DPP6: variants seen among roughly 807,000 people sequenced by gnomAD.
DPP6 encodes the protein dipeptidyl peptidase like 6.
In DPP6, 69 loss-of-function variants were observed where a neutral mutation model predicts 122.6. The observed-to-expected ratio is 0.56, with a 90% CI of 0.46 to 0.69. The LOEUF (loss-of-function observed/expected upper bound fraction) is 0.69. Ranked by LOEUF, DPP6 falls within the 30% of genes least tolerant of loss-of-function variation. The probability of loss-of-function intolerance (pLI) is 0.00; values close to 1 mark genes in which losing one functional copy is unlikely to be tolerated. For missense variants in DPP6, 928 were observed against 1,116.9 expected (o/e 0.83, Z 2.41); for synonymous variants, 418 against 433.1 (o/e 0.97, Z 0.43).
intron 4 of DPP6, among the ~76,000 whole-genome samples, chr7:154,561,475 A>G (rs1362045028): frequency 6.6e-6 from 1 of 152,262 alleles, no homozygotes; most frequent in Non-Finnish European, 1.5e-5. Context: ...TTGGAAATTG[A>G]ACAACATATT....
chr7:154,654,112 GAGGTGGCTTAA>G (rs1423531510), intron 6 of DPP6, among the ~76,000 whole-genome samples: 2 of 152,108 alleles, frequency 1.3e-5, no homozygotes, highest in Non-Finnish European at 2.9e-5. Context: ...AAGTAGTCTA[GAGGTGGCTTAA>G]AGGATACGGG....
chr7:154,401,667 C>A (rs1277366983), intron 1 of DPP6, among the ~76,000 whole-genome samples: 1 of 152,152 alleles, frequency 6.6e-6, no homozygotes, highest in African/African-American at 2.4e-5. Flanking sequence ...TAGGCATTAC[C>A]ATTCAGGACA....
intron 4 of DPP6, among the ~76,000 whole-genome samples, chr7:154,562,033 T>C (rs1830456166): frequency 6.6e-6 from 1 of 152,158 alleles, no homozygotes; most frequent in Non-Finnish European, 1.5e-5. Flanking sequence ...ATAGTACCAA[T>C]TCTGCACAAA....
At chr7:154,630,979 TAAAA>T (rs1271895449) in intron 5 of DPP6, among the ~76,000 whole-genome samples, 1 of 151,968 alleles carries the variant, frequency 6.6e-6, no homozygotes. Flanking sequence ...AAATTTCACC[TAAAA>T]AAAAGAATGT....
At chr7:153,808,182 C>A in the DPP6 span, among the ~76,000 whole-genome samples, 1 of 149,182 alleles carries the variant, frequency 6.7e-6, no homozygotes, top group Non-Finnish European at 1.5e-5. Context: ...AACCTTGTTG[C>A]CACTGTGTGT....
At chr7:154,440,365 G>A (rs543137246) in intron 1 of DPP6, among the ~76,000 whole-genome samples, 5 of 152,098 alleles carry the variant, frequency 3.3e-5, no homozygotes, top group South Asian at 2.1e-4. Flanking sequence ...AAAGCACCCC[G>A]GAAGTACTCA....
intron 1 of DPP6, chr7:154,305,579 T>C: frequency 6.3e-7 from 1 of 1,583,378 alleles, no homozygotes; most frequent in African/African-American, 1.3e-5. Context: ...GGTCCGTGTG[T>C]GTGTGTGTGC....
At chr7:154,385,154 A>G (rs1813982992) in intron 1 of DPP6, among the ~76,000 whole-genome samples, 1 of 152,110 alleles carries the variant, frequency 6.6e-6, no homozygotes, top group African/African-American at 2.4e-5. Flanking sequence ...TATTTTTAGT[A>G]GAGACAGGGT....
chr7:154,070,542 AT>A (rs1803044218), intron 1 of DPP6, among the ~76,000 whole-genome samples: 1 of 152,162 alleles, frequency 6.6e-6, no homozygotes, highest in Non-Finnish European at 1.5e-5. Context: ...ATGCTGTCAA[AT>A]TTTCCATCAG....
At chr7:154,101,840 A>G (rs1191689435) in intron 1 of DPP6, among the ~76,000 whole-genome samples, 1 of 150,678 alleles carries the variant, frequency 6.6e-6, no homozygotes, top group Non-Finnish European at 1.5e-5. Flanking sequence ...AGGTGAGAGA[A>G]TCACTTGAAC....
At chr7:154,865,024 T>G (rs979417700) in intron 17 of DPP6, among the ~76,000 whole-genome samples, 4 of 152,300 alleles carry the variant, frequency 2.6e-5, no homozygotes, top group African/African-American at 9.6e-5. Context: ...CAAATTCACA[T>G]GCATATATAT....
At chr7:153,881,661 C>T in the DPP6 span, among the ~76,000 whole-genome samples, 2 of 152,108 alleles carry the variant, frequency 1.3e-5, no homozygotes, top group African/African-American at 4.8e-5. Flanking sequence ...TTGTAGGACA[C>T]GGCTCACATG....
At position 154,821,331 on chromosome 7, in the gene DPP6, T is replaced by C. The variant is rs1380976917; in HGVS notation, c.1666+14219T>C. Among the ~76,000 whole-genome samples the C allele has an allele frequency of 1.3e-5, 2 of 152,202 alleles. No homozygotes were observed. The highest frequency in any genetic ancestry group is 2.9e-5 in the Non-Finnish European group (2 of 68,042). ...TCACTTACTCATTTTAAGCTTATTT[T>C]ATTTTTATCTGTGCATTCATATCAT... On this transcript the variant is annotated intron_variant, in intron 16 of 25. Coordinates refer to ENST00000377770, the MANE Select transcript of DPP6 (RefSeq NM_130797.4). This position sits in a 1 kb window ranked among gnomAD's most constrained non-coding sequence, Gnocchi z 4.2.
chr7:153,920,630 G>T (rs1027038619), intron 1 of DPP6, among the ~76,000 whole-genome samples: 1 of 146,466 alleles, frequency 6.8e-6, no homozygotes, highest in East Asian at 2.0e-4. Flanking sequence ...GCGGGATCTC[G>T]GCTCACTGCA....
intron 7 of DPP6, among the ~76,000 whole-genome samples, chr7:154,687,144 C>T (rs926891608): frequency 9.2e-5 from 14 of 151,972 alleles, no homozygotes; most frequent in South Asian, 6.2e-4. Context: ...TGAGTGTAGA[C>T]GCTTGATGTA....
intron 1 of DPP6, among the ~76,000 whole-genome samples, chr7:154,430,142 G>A (rs1290117399): frequency 6.6e-6 from 1 of 152,060 alleles, no homozygotes; most frequent in Non-Finnish European, 1.5e-5. Context: ...GCTCCTCGAC[G>A]GCCTTAGATG....
chr7:154,646,260 C>A (rs1836473240), intron 6 of DPP6, among the ~76,000 whole-genome samples: 1 of 152,106 alleles, frequency 6.6e-6, no homozygotes, highest in Non-Finnish European at 1.5e-5. Flanking sequence ...AAGAATGCCA[C>A]AATCAGTGAG....
At chr7:154,789,880 G>A (rs1033327349) in intron 10 of DPP6, among the ~76,000 whole-genome samples, 2 of 152,134 alleles carry the variant, frequency 1.3e-5, no homozygotes. Context: ...CTCGTACACC[G>A]ACTTGATTTT....
At chr7:154,694,650 T>C (rs1840113956) in intron 7 of DPP6, among the ~76,000 whole-genome samples, 1 of 152,024 alleles carries the variant, frequency 6.6e-6, no homozygotes, top group Non-Finnish European at 1.5e-5. Context: ...CTGGTATGTA[T>C]GTACTAATCT....
Sources: allele counts gnomAD v4.1 joint callset (sites outside exome capture counted in the v4.1 genomes callset), GRCh38; gene constraint gnomAD v4.1.1; non-coding constraint Gnocchi (gnomAD v3.1); transcripts MANE v1.5; gene names NCBI Gene and HGNC (gene_info 2026-07-23, HGNC 2026-07-21).